ATL1: variants seen among roughly 807,000 people sequenced by gnomAD.
ATL1 encodes the protein atlastin-1.
In ATL1, 31 loss-of-function variants were observed where a neutral mutation model predicts 75.5. The observed-to-expected ratio is 0.41, with a 90% CI of 0.31 to 0.55. ATL1 has a LOEUF of 0.55. ATL1 is among the 20% of genes least tolerant of loss of function. The pLI, the probability that ATL1 is intolerant of heterozygous loss-of-function variation, is 0.27. For synonymous variants in ATL1, 226 were observed against 233.3 expected (o/e 0.97, Z 0.28); for missense variants, 405 against 662.6 (o/e 0.61, Z 4.27).
At chr14:50,536,993 T>C (rs1336081130) in intron 1 of ATL1, among the ~76,000 whole-genome samples, 1 of 152,240 alleles carries the variant, frequency 6.6e-6, no homozygotes, top group East Asian at 1.9e-4. Flanking sequence ...TTTGCATAAG[T>C]AACGAAAAGC....
At position 50,623,398 on chromosome 14, in the gene ATL1, A is replaced by G. The variant is rs59955584; in HGVS notation, c.1119+150A>G. 5,981 of 654,064 alleles carry G rather than the reference A, an allele frequency of 9.1e-3. 254 individuals are homozygous for G. The African/African-American group carries it at 0.096, about 10-fold the overall frequency. 40.5% of individuals were successfully genotyped at this position (654,064 alleles called of 1,614,324 possible). ...AGCCTGTATCACGTCTATTTATTAT[A>G]TTCCTGAAATATTTTTAAAAACATT... On this transcript the variant is annotated intron_variant, in intron 11 of 13. Transcript: ENST00000358385.
intron 1 of ATL1, among the ~76,000 whole-genome samples, chr14:50,563,731 T>G (rs1489691996): frequency 6.6e-6 from 1 of 152,200 alleles, no homozygotes; most frequent in East Asian, 1.9e-4. Context: ...TTGAGGACGA[T>G]GTTTGAAGAC....
chr14:50,554,542 C>CA (rs1254385285), intron 1 of ATL1, among the ~76,000 whole-genome samples: 1 of 152,144 alleles, frequency 6.6e-6, no homozygotes, highest in Non-Finnish European at 1.5e-5. Flanking sequence ...GGTGTACATC[C>CA]ACTGCTTGAA....
intron 11 of ATL1, among the ~76,000 whole-genome samples, chr14:50,624,232 C>A (rs1309118194): frequency 6.6e-5 from 10 of 152,072 alleles, no homozygotes. Flanking sequence ...CACTTTCTTG[C>A]ACTTTTTACA....
At chr14:50,598,399 C>T (rs937175227) in intron 6 of ATL1, among the ~76,000 whole-genome samples, 2 of 151,274 alleles carry the variant, frequency 1.3e-5, no homozygotes, top group African/African-American at 4.9e-5. Flanking sequence ...TCTTGTTGTC[C>T]GGGATGGAAT....
chr14:50,546,905 G>GC (rs2063169502), intron 1 of ATL1, among the ~76,000 whole-genome samples: 1 of 151,962 alleles, frequency 6.6e-6, no homozygotes, highest in Non-Finnish European at 1.5e-5. Flanking sequence ...TGTTACATAG[G>GC]CATACACGTG....
At chr14:50,596,414 A>G (rs2140210608) in intron 6 of ATL1, among the ~76,000 whole-genome samples, 1 of 152,356 alleles carries the variant, frequency 6.6e-6, no homozygotes, top group East Asian at 1.9e-4. Context: ...GCTCCTAACT[A>G]TTGATAAGTC....
intron 3 of ATL1, 65 bp downstream of exon 3, chr14:50,591,140 C>A (rs2039154301): frequency 3.3e-6 from 5 of 1,517,740 alleles, no homozygotes; most frequent in Non-Finnish European, 4.5e-6. Flanking sequence ...TTTTTAGGAT[C>A]CTTGAAGTTG....
At chr14:50,567,045 G>T (rs1181473797) in intron 1 of ATL1, among the ~76,000 whole-genome samples, 2 of 151,854 alleles carry the variant, frequency 1.3e-5, no homozygotes, top group Admixed American at 6.6e-5. Context: ...GTAAAATATT[G>T]TTGTGTAGCT....
chr14:50,630,814 T>A, intron 13 of ATL1: 1 of 353,592 alleles, frequency 2.8e-6, no homozygotes, highest in Admixed American at 3.9e-5. Flanking sequence ...AAAAGCAAAT[T>A]TCAGCTTTGT....
intron 1 of ATL1, among the ~76,000 whole-genome samples, chr14:50,566,299 GGACA>G (rs2038903532): frequency 6.6e-6 from 1 of 152,022 alleles, no homozygotes; most frequent in Non-Finnish European, 1.5e-5. Context: ...CACCCGGCCA[GGACA>G]ACCTGTTCTT....
At chr14:50,568,510 T>A (rs1009907688) in intron 1 of ATL1, among the ~76,000 whole-genome samples, 10 of 152,208 alleles carry the variant, frequency 6.6e-5, no homozygotes, top group Non-Finnish European at 1.0e-4. Context: ...TTGGTTTATA[T>A]TTACGTGGAA....
chr14:50,591,719 T>G (rs1415488138), intron 4 of ATL1, 80 bp downstream of exon 4: 2 of 997,360 alleles, frequency 2.0e-6, no homozygotes, highest in South Asian at 2.7e-5. Flanking sequence ...ATGTTATAAT[T>G]AGATAAACAA....
chr14:50,593,618 A>T (rs1173483580), intron 4 of ATL1, among the ~76,000 whole-genome samples: 1 of 152,170 alleles, frequency 6.6e-6, no homozygotes, highest in African/African-American at 2.4e-5. Context: ...CCATCTCCAG[A>T]GCAGGTGACT....
upstream of ATL1, chr14:50,559,208 A>G (rs1216575569): frequency 1.3e-5 from 2 of 152,252 alleles, no homozygotes; most frequent in Non-Finnish European, 1.5e-5. Context: ...ATTAGCAGAG[A>G]TCATGGATCT....
intron 1 of ATL1, among the ~76,000 whole-genome samples, chr14:50,551,004 C>T (rs2038695549): frequency 6.6e-6 from 1 of 151,126 alleles, no homozygotes; most frequent in Non-Finnish European, 1.5e-5. Context: ...AACCCAAACC[C>T]AGCAGAAAAA....
At chr14:50,612,187 AT>A (rs1566730444) in intron 6 of ATL1, among the ~76,000 whole-genome samples, 1 of 152,168 alleles carries the variant, frequency 6.6e-6, no homozygotes, top group African/African-American at 2.4e-5. Flanking sequence ...ACTTACGCAA[AT>A]TATAAAAACA....
chr14:50,564,855 G>C (rs2208097), intron 1 of ATL1, among the ~76,000 whole-genome samples: 2,253 of 152,076 alleles, frequency 0.015, 48 homozygotes, highest in African/African-American at 0.051. Flanking sequence ...AAACAATCTT[G>C]AGTGTACTAT....
chr14:50,609,632 C>T (rs1354427655), intron 6 of ATL1, among the ~76,000 whole-genome samples: 1 of 151,892 alleles, frequency 6.6e-6, no homozygotes, highest in Non-Finnish European at 1.5e-5. Context: ...TTGGGAATGT[C>T]AATATGAATT....
Sources: gnomAD v4.1 joint callset for allele counts (sites outside exome capture counted in the v4.1 genomes callset) on GRCh38, gnomAD v4.1.1 for gene constraint, MANE v1.5 for transcripts, NCBI Gene and HGNC (gene_info 2026-07-23, HGNC 2026-07-21) for gene names.